PCDH15: variants seen among roughly 807,000 people sequenced by gnomAD.
PCDH15 encodes the protein protocadherin-15.
Under a neutral mutation model 178.5 loss-of-function variants are expected in PCDH15, and 129 were observed. The observed-to-expected ratio is 0.72, with a 90% CI of 0.63 to 0.84. The LOEUF (loss-of-function observed/expected upper bound fraction) is 0.84. Among genes scored for constraint, PCDH15 ranks in the 40% least tolerant of loss-of-function variants. The probability of loss-of-function intolerance (pLI) is 0.00; values close to 1 mark genes in which losing one functional copy is unlikely to be tolerated. For synonymous variants in PCDH15, 800 were observed against 732.0 expected, an observed-to-expected ratio of 1.09 and a Z score of -1.50; for missense variants, 2,230 against 2,099.9, an observed-to-expected ratio of 1.06 and a Z score of -1.21.
chr10:54,307,188 A>T (rs2060615634), intron 8 of PCDH15, among the ~76,000 whole-genome samples: 1 of 135,016 alleles, frequency 7.4e-6, no homozygotes, highest in African/African-American at 2.7e-5. Context: ...TTGGAAAGAC[A>T]TTCATCAAAT....
In PCDH15 at chr10:53,822,337, G is replaced by GA. The variant is rs1554819925; in HGVS notation, c.4368-2108dup. The GA allele has an allele frequency of 6.3e-7, 1 of 1,593,732 alleles. No homozygotes were observed. Among genetic ancestry groups the GA allele is most frequent in the East Asian group, 2.3e-5 (1 of 43,760 alleles). On this transcript the variant is annotated intron_variant, in intron 32 of 37. Coordinates refer to ENST00000644397, the MANE Select transcript of PCDH15 (RefSeq NM_001384140.1). ...GGACCAGACGTTGAAACGGAAAGTG[G>GA]AAAAAATGTAGGAGGAGGAAGAGGA...
At chr10:54,659,667 T>C (rs1419207953) in intron 2 of PCDH15, among the ~76,000 whole-genome samples, 1 of 150,664 alleles carries the variant, frequency 6.6e-6, no homozygotes, top group African/African-American at 2.5e-5. Flanking sequence ...GGCAGGAAAA[T>C]CGCTTGAATC....
chr10:55,473,150 A>C (rs747763139), intron 2 of PCDH15, among the ~76,000 whole-genome samples: 30 of 152,314 alleles, frequency 2.0e-4, no homozygotes, highest in Admixed American at 7.8e-4. Context: ...TTTCTCTAAT[A>C]TTAACGTTGT....
At chr10:53,910,409 A>T (rs1223237172) in intron 25 of PCDH15, among the ~76,000 whole-genome samples, 2 of 152,214 alleles carry the variant, frequency 1.3e-5, no homozygotes, top group Admixed American at 1.3e-4. Flanking sequence ...ACAGACTTGC[A>T]GCTAAGGGAC....
intron 1 of PCDH15, among the ~76,000 whole-genome samples, chr10:54,734,319 C>G (rs1331625031): frequency 6.6e-6 from 1 of 151,788 alleles, no homozygotes; most frequent in Non-Finnish European, 1.5e-5. Flanking sequence ...TGCTCAACAA[C>G]AGTCATTAGG....
At chr10:54,899,492 C>T (rs1954607346) in intron 2 of PCDH15, among the ~76,000 whole-genome samples, 1 of 149,110 alleles carries the variant, frequency 6.7e-6, no homozygotes, top group Admixed American at 6.7e-5. Flanking sequence ...CCTTCCCTTC[C>T]GTAATTTTCT....
intron 18 of PCDH15, among the ~76,000 whole-genome samples, chr10:54,050,521 C>A (rs2135613274): frequency 6.6e-6 from 1 of 152,100 alleles, no homozygotes; most frequent in Non-Finnish European, 1.5e-5. Flanking sequence ...CTTTTGGTTT[C>A]ATTGATCCTT....
chr10:54,537,392 A>G (rs1477080635), intron 2 of PCDH15, among the ~76,000 whole-genome samples: 1 of 152,154 alleles, frequency 6.6e-6, no homozygotes, highest in African/African-American at 2.4e-5. Context: ...TAAAATATCA[A>G]GGAGGAGAGT....
intron 2 of PCDH15, among the ~76,000 whole-genome samples, chr10:54,922,192 A>C (rs1837511429): frequency 1.3e-5 from 2 of 152,094 alleles, no homozygotes. Context: ...CCTTTTCAAC[A>C]GTCCCCCAAA....
At chr10:54,296,703 C>G (rs1255219783) in intron 8 of PCDH15, among the ~76,000 whole-genome samples, 1 of 152,142 alleles carries the variant, frequency 6.6e-6, no homozygotes, top group African/African-American at 2.4e-5. Flanking sequence ...AGGACCCCTC[C>G]TCAGGCTAGC....
chr10:54,397,957 T>C (rs1479572371), intron 3 of PCDH15, among the ~76,000 whole-genome samples: 33 of 151,938 alleles, frequency 2.2e-4, no homozygotes, highest in Admixed American at 2.1e-3. Context: ...CTGAGATAGA[T>C]TTTAGTAAAT....
intron 18 of PCDH15, among the ~76,000 whole-genome samples, chr10:54,066,103 T>C (rs1007280567): frequency 6.6e-6 from 1 of 152,208 alleles, no homozygotes; most frequent in African/African-American, 2.4e-5. Flanking sequence ...TACTTCAAAT[T>C]GTGCACATCT....
At chr10:54,942,959 ACTCT>A (rs1417433238) in intron 2 of PCDH15, among the ~76,000 whole-genome samples, 2 of 151,888 alleles carry the variant, frequency 1.3e-5, no homozygotes, top group African/African-American at 4.8e-5. Context: ...AGTTAAATTG[ACTCT>A]CTAAGTCACT....
intron 1 of PCDH15, among the ~76,000 whole-genome samples, chr10:55,305,017 T>C (rs1196763659): frequency 1.3e-5 from 2 of 152,188 alleles, no homozygotes; most frequent in Non-Finnish European, 2.9e-5. Context: ...CTTAAGCTCA[T>C]AGTATTCCAG....
chr10:54,999,959 G>A (rs935765858), intron 2 of PCDH15, among the ~76,000 whole-genome samples: 3 of 152,184 alleles, frequency 2.0e-5, no homozygotes, highest in African/African-American at 7.2e-5. Context: ...GTGGGTCATA[G>A]AGATCACGTG....
At chr10:54,626,988 T>G (rs1361884107) in intron 2 of PCDH15, among the ~76,000 whole-genome samples, 1 of 152,166 alleles carries the variant, frequency 6.6e-6, no homozygotes, top group Non-Finnish European at 1.5e-5. Context: ...ATTTTGGAGC[T>G]TTAAGGTTTG....
chr10:54,273,283 T>G (rs2058151756), intron 8 of PCDH15, among the ~76,000 whole-genome samples: 1 of 151,548 alleles, frequency 6.6e-6, no homozygotes, highest in Admixed American at 6.6e-5. Context: ...AAAGCTGAAA[T>G]TATATAGGAA....
intron 2 of PCDH15, among the ~76,000 whole-genome samples, chr10:54,574,989 T>C (rs1368737441): frequency 6.7e-6 from 1 of 149,198 alleles, no homozygotes; most frequent in East Asian, 2.0e-4. Flanking sequence ...GATGAGTTCA[T>C]GTCCTTTGTA....
chr10:54,647,203 C>G (rs991628084), intron 2 of PCDH15, among the ~76,000 whole-genome samples: 4 of 151,948 alleles, frequency 2.6e-5, no homozygotes, highest in South Asian at 4.1e-4. Context: ...CATGGATAAA[C>G]TTTGAAGACA....
Sources: allele counts gnomAD v4.1 joint callset (sites outside exome capture counted in the v4.1 genomes callset), GRCh38; gene constraint gnomAD v4.1.1; transcripts MANE v1.5; gene names NCBI Gene and HGNC (gene_info 2026-07-23, HGNC 2026-07-21).